The following PRDX4 variants were observed in gnomAD, a reference collection of about 807,000 sequenced individuals.
PRDX4 encodes peroxiredoxin-4.
Under a neutral mutation model 20.5 loss-of-function variants are expected in PRDX4, and 12 were observed. The ratio of observed to expected loss-of-function variants is 0.58; its 90% CI spans 0.37 to 0.95. PRDX4 has a LOEUF of 0.95. Ranked by LOEUF, PRDX4 falls within the 40% of genes least tolerant of loss-of-function variation. The probability of loss-of-function intolerance (pLI) is 0.01; values close to 1 mark genes in which losing one functional copy is unlikely to be tolerated. For synonymous variants in PRDX4, 99 were observed against 87.5 expected, an observed-to-expected ratio of 1.13 and a Z score of -0.73; for missense variants, 180 against 207.3, an observed-to-expected ratio of 0.87 and a Z score of 0.81.
intron 1 of PRDX4, 87 bp from the exon 2 acceptor site, chrX:23,671,442 G>A: frequency 4.1e-6 from 3 of 728,921 alleles, no homozygotes; most frequent in Non-Finnish European, 4.2e-6. Context: ...AGGTAGCCCT[G>A]ATTTTTAGTG....
chrX:23,683,750 T>TG, intron 6 of PRDX4, 45 bp downstream of exon 6: 1 of 1,123,235 alleles, frequency 8.9e-7, no homozygotes. Flanking sequence ...TGGTTAGAGT[T>TG]GAAAAAAATG....
At chrX:23,680,444 G>A (rs1235857811) in intron 4 of PRDX4, among the ~76,000 whole-genome samples, 1 of 112,171 alleles carries the variant, frequency 8.9e-6, no homozygotes, top group Non-Finnish European at 1.9e-5. Flanking sequence ...TTTTAGTGTG[G>A]AACAGTTGTA....
At chrX:23,674,507 G>C (rs1318189804) in intron 2 of PRDX4, among the ~76,000 whole-genome samples, 1 of 109,513 alleles carries the variant, frequency 9.1e-6, no homozygotes, top group Non-Finnish European at 1.9e-5. Context: ...ACCTTATCAA[G>C]AAAGGAGGGG....
Position 23,675,010 on chromosome X carries a change from A to C in PRDX4, c.380A>C (p.Glu127Ala). Residue 127 changes from glutamate to alanine, a missense_variant, in exon 3 of 7, where the codon GAA (glutamate) becomes GCA (alanine). Physicochemically the swap from Glu to Ala is moderately radical, Grantham distance 107. Transcript: ENST00000379341. ...PLDFTFVCPTEIIAFGDRLEE... is the reference protein window; with the variant it reads ...PLDFTFVCPTAIIAFGDRLEE... ...TTCAGCACATTTGTGTGTCCAACTG[A>C]AATTATCGCTTTTGGCGACAGACTT... is the stretch of plus-strand genomic sequence containing the variant. 8.3e-7 allele frequency: 1 copy of C among 1,210,380 alleles called. No homozygotes were observed. The highest frequency in any genetic ancestry group is 1.1e-6 in the Non-Finnish European group (1 of 894,726).
intron 4 of PRDX4, among the ~76,000 whole-genome samples, chrX:23,679,522 CA>C (rs1396392065): frequency 9.2e-6 from 1 of 109,084 alleles, no homozygotes. Flanking sequence ...CTGTCTCTAC[CA>C]AAAAATATAA....
At chrX:23,680,487 A>G (rs748791583) in intron 4 of PRDX4, among the ~76,000 whole-genome samples, 10 of 112,334 alleles carry the variant, frequency 8.9e-5, no homozygotes, top group Non-Finnish European at 1.3e-4. Context: ...TGTAGTGCCA[A>G]TAGTTTTTCT....
intron 3 of PRDX4, among the ~76,000 whole-genome samples, chrX:23,678,673 G>C (rs1051369088): frequency 9.0e-6 from 1 of 111,208 alleles, no homozygotes; most frequent in Non-Finnish European, 1.9e-5. Context: ...AATGGCTCAC[G>C]GCTATAATCC....
intron 6 of PRDX4, chrX:23,686,029 T>TGAGTGTAGATCTC: frequency 2.3e-6 from 1 of 438,709 alleles, no homozygotes; most frequent in South Asian, 2.6e-5. Context: ...CATGAAAGCC[T>TGAGTGTAGATCTC]GGTGGCCAAG....
intron 2 of PRDX4, 53 bp downstream of exon 2, chrX:23,671,699 T>C: frequency 1.1e-6 from 1 of 910,840 alleles, no homozygotes; most frequent in South Asian, 2.4e-5. Context: ...TCAATTATTT[T>C]TCAGGAGTAT....
intron 4 of PRDX4, among the ~76,000 whole-genome samples, chrX:23,680,463 G>A (rs981132413): frequency 3.0e-4 from 34 of 112,165 alleles, no homozygotes; most frequent in Admixed American, 3.0e-3. Flanking sequence ...TAATTTGGTT[G>A]TATTGATTTG....
At chrX:23,671,709 T>C (rs1927847936) in intron 2 of PRDX4, 63 bp downstream of exon 2, 1 of 853,802 alleles carries the variant, frequency 1.2e-6, no homozygotes, top group Non-Finnish European at 1.6e-6. Context: ...TTCAGGAGTA[T>C]CAAACAAATT....
intron 1 of PRDX4, among the ~76,000 whole-genome samples, chrX:23,670,276 AATT>A (rs1927819224): frequency 8.9e-6 from 1 of 111,915 alleles, no homozygotes; most frequent in South Asian, 3.7e-4. Flanking sequence ...AGATCATTAC[AATT>A]ATTATAACCT....
In PRDX4 at chrX:23,686,044, A is replaced by G. The variant is rs190224483; in HGVS notation, c.766-241A>G. 7.1e-3 allele frequency: 3,172 copies of G among 447,550 alleles called. 23 individuals are homozygous for G. The highest frequency in any genetic ancestry group is 7.1e-3 in the Non-Finnish European group (1,711 of 240,499). The allele number at this position is 447,550 out of a possible 1,213,427, so 36.9% of individuals were successfully genotyped here. A position where few individuals can be genotyped will look rare whatever the true frequency, so the allele number is the denominator to read the frequency against. Reference sequence around the variant, plus strand: ...CATGAAAGCCTGGTGGCCAAGAGAGAGCTGTAAGTAAGTTTTGGGGTGCTT... The same window carrying G: ...CATGAAAGCCTGGTGGCCAAGAGAGGGCTGTAAGTAAGTTTTGGGGTGCTT... On this transcript the variant is annotated intron_variant, in intron 6 of 6. Transcript: ENST00000379341.
intron 1 of PRDX4, among the ~76,000 whole-genome samples, chrX:23,670,792 A>G (rs998604679): frequency 1.1e-4 from 12 of 111,963 alleles, no homozygotes; most frequent in Admixed American, 5.7e-4. Context: ...GGGATTTTAC[A>G]CTTCTGGCCT....
At chrX:23,677,732 T>G (rs969257321) in intron 3 of PRDX4, among the ~76,000 whole-genome samples, 5 of 111,924 alleles carry the variant, frequency 4.5e-5, no homozygotes, top group African/African-American at 1.6e-4. Context: ...ATCTATCAGT[T>G]TCACTTTCAG....
At chrX:23,676,274 ATTGC>A (rs1927947255) in intron 3 of PRDX4, among the ~76,000 whole-genome samples, 1 of 110,697 alleles carries the variant, frequency 9.0e-6, no homozygotes, top group Non-Finnish European at 1.9e-5. Context: ...ACAAATTTTC[ATTGC>A]TTGGTGAGCT....
At chrX:23,678,689 C>T in intron 3 of PRDX4, among the ~76,000 whole-genome samples, 1 of 111,108 alleles carries the variant, frequency 9.0e-6, no homozygotes, top group East Asian at 2.8e-4. Flanking sequence ...AATCCCAGCA[C>T]TTTGGGAGGG....
At chrX:23,675,190 A>G in intron 3 of PRDX4, 84 bp downstream of exon 3, 2 of 1,201,542 alleles carry the variant, frequency 1.7e-6, no homozygotes, top group South Asian at 3.6e-5. Context: ...GATATGATAT[A>G]AGAATATAGT....
chrX:23,671,795 A>G, intron 2 of PRDX4, 149 bp downstream of exon 2: 5 of 426,106 alleles, frequency 1.2e-5, no homozygotes, highest in Non-Finnish European at 1.6e-5. Context: ...CATCTACCAT[A>G]TATTTCAGAG....
Sources: gnomAD v4.1 joint callset for allele counts (sites outside exome capture counted in the v4.1 genomes callset) on GRCh38, gnomAD v4.1.1 for gene constraint, MANE v1.5 for transcripts, NCBI Gene and HGNC (gene_info 2026-07-23, HGNC 2026-07-21) for gene names.